The following F5 variants were observed in gnomAD, a reference collection of about 807,000 sequenced individuals.
F5 encodes the protein activated protein c cofactor.
Under a neutral mutation model 216.4 loss-of-function variants are expected in F5, and 138 were observed. The observed-to-expected ratio is 0.64, with a 90% confidence interval of 0.56 to 0.73. The LOEUF (loss-of-function observed/expected upper bound fraction) is 0.73, where lower values mean the gene tolerates loss of function less well. Among genes scored for constraint, F5 ranks in the 30% least tolerant of loss-of-function variants. The pLI is 0.00. For synonymous variants in F5, 916 were observed against 930.7 expected (o/e 0.98, Z 0.29); for missense variants, 2,403 against 2,674.0 (o/e 0.90, Z 2.24).
intron 3 of F5, among the ~76,000 whole-genome samples, chr1:169,570,799 T>C (rs1660704601): frequency 6.6e-6 from 1 of 152,196 alleles, no homozygotes. Context: ...TCATGGCTAA[T>C]ATTTATTATC....
At chr1:169,533,501 C>G (rs953253181) in intron 14 of F5, among the ~76,000 whole-genome samples, 1 of 152,102 alleles carries the variant, frequency 6.6e-6, no homozygotes, top group African/African-American at 2.4e-5. Context: ...ATGTATCTGA[C>G]AAAGGTCTAA....
intron 2 of F5, among the ~76,000 whole-genome samples, chr1:169,573,466 A>G (rs991820302): frequency 6.6e-6 from 1 of 152,160 alleles, no homozygotes; most frequent in African/African-American, 2.4e-5. Context: ...GAACGTGATG[A>G]GTAGTGGTTG....
At chr1:169,518,384 A>T in intron 23 of F5, 28 bp downstream of exon 23, 1 of 1,613,300 alleles carries the variant, frequency 6.2e-7, no homozygotes, top group Non-Finnish European at 8.5e-7. Flanking sequence ...GAGCCCTAAG[A>T]GAACACCATG....
intron 13 of F5, among the ~76,000 whole-genome samples, chr1:169,536,948 G>GTAT (rs1296735593): frequency 6.6e-6 from 1 of 151,670 alleles, no homozygotes; most frequent in Non-Finnish European, 1.5e-5. Flanking sequence ...TATTTCTATA[G>GTAT]TATTATTATA....
At chr1:169,521,749 T>C (rs1659314451) in intron 21 of F5, among the ~76,000 whole-genome samples, 1 of 150,966 alleles carries the variant, frequency 6.6e-6, no homozygotes, top group African/African-American at 2.4e-5. Flanking sequence ...GCCTCCCAAG[T>C]AGCTGGGATT....
At chr1:169,563,509 T>A (rs1345587747) in intron 3 of F5, among the ~76,000 whole-genome samples, 1 of 152,146 alleles carries the variant, frequency 6.6e-6, no homozygotes, top group Non-Finnish European at 1.5e-5. Flanking sequence ...TTCTTCAGCC[T>A]TTTTAATCTC....
intron 2 of F5, among the ~76,000 whole-genome samples, chr1:169,581,259 A>G (rs1660979877): frequency 1.3e-5 from 2 of 152,224 alleles, no homozygotes; most frequent in Non-Finnish European, 2.9e-5. Context: ...AAAAGAACAT[A>G]GGCTCTGGCA....
intron 3 of F5, among the ~76,000 whole-genome samples, chr1:169,569,460 T>A (rs1336660119): frequency 6.6e-6 from 1 of 152,096 alleles, no homozygotes; most frequent in Non-Finnish European, 1.5e-5. Flanking sequence ...AACAAGCTTT[T>A]TAAAGGTAAT....
At chr1:169,531,096 A>G (rs1659587050) in intron 14 of F5, 74 bp from the exon 15 acceptor site, 1 of 1,094,598 alleles carries the variant, frequency 9.1e-7, no homozygotes, top group Admixed American at 1.7e-5. Flanking sequence ...CAGCATTATA[A>G]GTCAAAATGG....
Position 169,572,382 on chromosome 1 carries a change from G to A in F5, c.251-39C>T, listed in dbSNP as rs115356164. The A allele has an allele frequency of 1.3e-3, 2,059 of 1,610,526 alleles. 24 individuals carry two copies. The African/African-American group carries it at 0.024, about 19-fold the overall frequency. On this transcript the variant is annotated intron_variant, in intron 2 of 24. Transcript: ENST00000367797. ...TATTTAAACTATGTCTGTATTCAGG[G>A]TCATCAAAGGCAGAGTTGCTAAGCA...
intron 17 of F5, among the ~76,000 whole-genome samples, chr1:169,527,503 G>C (rs1659486268): frequency 6.6e-6 from 1 of 152,114 alleles, no homozygotes; most frequent in Non-Finnish European, 1.5e-5. Context: ...GGAGTCACTT[G>C]CCCAAAGATA....
Position 169,559,290 on chromosome 1 carries a change from A to C in F5, c.593T>G (p.Leu198Arg), listed in dbSNP as rs1235596074. 1 of 1,613,664 alleles carries C rather than the reference A, an allele frequency of 6.2e-7. No individual in the cohort carries two copies. Among genetic ancestry groups the C allele is most frequent in the Admixed American group, 1.7e-5 (1 of 59,986 alleles). Residue 198 changes from leucine (L) to arginine (R), a missense_variant, in exon 5 of 25, where the codon CTA (leucine) becomes CGA (arginine). Leu to Arg is a moderately radical substitution (Grantham distance 102, BLOSUM62 -2). Around this residue, in one of 4 missense-constraint regions of F5, gnomAD observed 1,425 missense variants for 1,554.8 expected, o/e 0.92. Transcript: ENST00000367797. ...CGTCTTCTGTGTCCCACCCTCAGTT[A>C]GGGTCCCTATGAAAGGAAAGACATG... ...GPLLICKKGT[L>R]TEGGTQKTFD...
At chr1:169,525,783 A>C (rs560188978) in intron 18 of F5, 118 bp downstream of exon 18, 1 of 803,912 alleles carries the variant, frequency 1.2e-6, no homozygotes, top group African/African-American at 1.7e-5. Flanking sequence ...ATGGCTACAA[A>C]TTATGCCTTT....
intron 6 of F5, 113 bp downstream of exon 6, chr1:169,556,533 A>G (rs778741253): frequency 3.1e-6 from 3 of 972,392 alleles, no homozygotes; most frequent in Middle Eastern, 2.2e-4. Context: ...GGAACTGAGG[A>G]AAGTTTGTCT....
At chr1:169,575,820 A>AC (rs1660830923) in intron 2 of F5, among the ~76,000 whole-genome samples, 1 of 152,042 alleles carries the variant, frequency 6.6e-6, no homozygotes, top group Non-Finnish European at 1.5e-5. Context: ...CCCTGCTGAG[A>AC]TGTCCACGTC....
intron 5 of F5, 117 bp downstream of exon 5, chr1:169,559,036 G>T: frequency 1.9e-6 from 2 of 1,030,948 alleles, no homozygotes; most frequent in Non-Finnish European, 3.0e-6. Context: ...TTTCCTTCTT[G>T]ATAGGGAGTT....
At chr1:169,534,877 GCAA>G (rs1267253956) in intron 14 of F5, among the ~76,000 whole-genome samples, 4 of 152,080 alleles carry the variant, frequency 2.6e-5, no homozygotes, top group Admixed American at 2.6e-4. Flanking sequence ...CACGTCCTTT[GCAA>G]CAACATGGAT....
At chr1:169,520,732 G>T in intron 21 of F5, 68 bp from the exon 22 acceptor site, 4 of 1,352,972 alleles carry the variant, frequency 3.0e-6, no homozygotes, top group Non-Finnish European at 4.1e-6. Flanking sequence ...TTAAAATTTT[G>T]ATCTAATTTA....
At chr1:169,585,768 A>G (rs1056425252) in intron 1 of F5, among the ~76,000 whole-genome samples, 1 of 152,224 alleles carries the variant, frequency 6.6e-6, no homozygotes, top group African/African-American at 2.4e-5. Context: ...AAAAAGCACA[A>G]GGTGTTCATT....
Sources: allele counts gnomAD v4.1 joint callset (sites outside exome capture counted in the v4.1 genomes callset), GRCh38; gene constraint gnomAD v4.1.1; regional missense constraint gnomAD v4.1.1; transcripts MANE v1.5; gene names NCBI Gene and HGNC (gene_info 2026-07-23, HGNC 2026-07-21).